The following CHCHD6 variants were observed in gnomAD, a reference collection of about 807,000 sequenced individuals.
CHCHD6 encodes the protein coiled-coil-helix-coiled-coil-helix domain containing 6, also known as MICOS complex subunit MIC25.
Under a neutral mutation model 32.3 loss-of-function variants are expected in CHCHD6, and 28 were observed. The observed-to-expected ratio is 0.87, with a 90% confidence interval of 0.64 to 1.19. The LOEUF (loss-of-function observed/expected upper bound fraction) is 1.19, where lower values mean the gene tolerates loss of function less well. Among genes scored for constraint, CHCHD6 ranks in the 50% most tolerant of loss-of-function variants. The probability of loss-of-function intolerance (pLI) is 0.00; values close to 1 mark genes in which losing one functional copy is unlikely to be tolerated. For synonymous variants in CHCHD6, 122 were observed against 117.5 expected (o/e 1.04, Z -0.25); for missense variants, 333 against 307.0 (o/e 1.08, Z -0.63).
intron 4 of CHCHD6, among the ~76,000 whole-genome samples, chr3:126,825,296 G>T (rs1264783366): frequency 6.6e-6 from 1 of 152,118 alleles, no homozygotes; most frequent in African/African-American, 2.4e-5. Context: ...TGATTTCAGA[G>T]AAATGTGTTG....
intron 4 of CHCHD6, among the ~76,000 whole-genome samples, chr3:126,786,882 G>T (rs895435462): frequency 2.0e-5 from 3 of 152,116 alleles, no homozygotes; most frequent in African/African-American, 4.8e-5. Flanking sequence ...TGGTGTTTTA[G>T]ACATGAAGTC....
intron 4 of CHCHD6, among the ~76,000 whole-genome samples, chr3:126,783,924 T>G (rs761055491): frequency 1.3e-5 from 2 of 152,154 alleles, no homozygotes; most frequent in Non-Finnish European, 2.9e-5. Flanking sequence ...CAGAAAGAGA[T>G]AAGTAATTCA....
intron 6 of CHCHD6, among the ~76,000 whole-genome samples, chr3:126,947,580 G>A (rs1381307627): frequency 6.6e-6 from 1 of 152,172 alleles, no homozygotes; most frequent in African/African-American, 2.4e-5. Context: ...GGCCAGTCAC[G>A]TGAGCTGCCT....
At chr3:126,775,366 T>C (rs1444407694) in intron 4 of CHCHD6, among the ~76,000 whole-genome samples, 1 of 152,206 alleles carries the variant, frequency 6.6e-6, no homozygotes, top group Non-Finnish European at 1.5e-5. Context: ...TTCATATATT[T>C]ATGGGCCTGA....
intron 5 of CHCHD6, among the ~76,000 whole-genome samples, chr3:126,872,766 G>A (rs1383258072): frequency 6.6e-6 from 1 of 152,152 alleles, no homozygotes; most frequent in African/African-American, 2.4e-5. Flanking sequence ...TTAGAACCAA[G>A]GGGCAAAACA....
chr3:126,898,235 C>T (rs2107581476), intron 5 of CHCHD6, among the ~76,000 whole-genome samples: 1 of 152,364 alleles, frequency 6.6e-6, no homozygotes, highest in Admixed American at 6.5e-5. Flanking sequence ...CCCAGTAAAG[C>T]TGAACATTAA....
intron 4 of CHCHD6, among the ~76,000 whole-genome samples, chr3:126,770,015 A>ATGTTT (rs1055247040): frequency 2.0e-5 from 3 of 151,912 alleles, no homozygotes; most frequent in African/African-American, 4.8e-5. Flanking sequence ...TCTTTGAGCC[A>ATGTTT]TGTTTTGTTT....
At chr3:126,784,502 A>C (rs1938106988) in intron 4 of CHCHD6, among the ~76,000 whole-genome samples, 1 of 152,102 alleles carries the variant, frequency 6.6e-6, no homozygotes, top group Admixed American at 6.5e-5. Flanking sequence ...CCAACTGTGG[A>C]ATGTGGCTGG....
rs188333383 is a variant in CHCHD6 at position 126,900,678 on chromosome 3, C to T, written c.496-14002C>T. On this transcript the variant is annotated intron_variant, in intron 5 of 7. Coordinates refer to ENST00000290913, the MANE Select transcript of CHCHD6 (RefSeq NM_032343.3). Reference sequence around the variant, plus strand: ...GGAGTGCAATGGCGCTATCTCAGCTCACTGCAACCTCCGCCTCCCAGGTTC... The same window carrying T: ...GGAGTGCAATGGCGCTATCTCAGCTTACTGCAACCTCCGCCTCCCAGGTTC... 6.2e-3 allele frequency among the ~76,000 whole-genome samples: 918 copies of T among 147,192 alleles called. 8 individuals carry two copies. The highest frequency in any genetic ancestry group is 0.022 in the African/African-American group (876 of 39,716).
At chr3:126,824,358 T>A (rs1699838494) in intron 4 of CHCHD6, among the ~76,000 whole-genome samples, 1 of 151,138 alleles carries the variant, frequency 6.6e-6, no homozygotes, top group Non-Finnish European at 1.5e-5. Context: ...AGTCGGGAGT[T>A]CGAGACCAGC....
chr3:126,800,245 T>C (rs114114219), intron 4 of CHCHD6, among the ~76,000 whole-genome samples: 357 of 152,318 alleles, frequency 2.3e-3, no homozygotes, highest in African/African-American at 7.8e-3. Flanking sequence ...CTGTGTGCTA[T>C]AGAAGGCATA....
chr3:126,952,485 G>T, intron 6 of CHCHD6, among the ~76,000 whole-genome samples: 1 of 152,190 alleles, frequency 6.6e-6, no homozygotes. Flanking sequence ...GGTGGAGCTC[G>T]CACACAGGCA....
intron 4 of CHCHD6, among the ~76,000 whole-genome samples, chr3:126,758,823 G>T (rs753034412): frequency 1.3e-5 from 2 of 152,172 alleles, no homozygotes; most frequent in African/African-American, 2.4e-5. Flanking sequence ...CCTCCAGAAT[G>T]TGTTCTTTTA....
intron 4 of CHCHD6, among the ~76,000 whole-genome samples, chr3:126,823,617 C>G (rs1026683910): frequency 6.6e-6 from 1 of 152,038 alleles, no homozygotes; most frequent in Non-Finnish European, 1.5e-5. Flanking sequence ...TTAAGTTTTT[C>G]TACATATATA....
intron 5 of CHCHD6, among the ~76,000 whole-genome samples, chr3:126,856,541 C>A (rs1941672594): frequency 6.6e-6 from 1 of 152,236 alleles, no homozygotes; most frequent in South Asian, 2.1e-4. Context: ...ACACCTGGCT[C>A]CAGAGCCTTT....
intron 4 of CHCHD6, among the ~76,000 whole-genome samples, chr3:126,849,751 C>T (rs1941408150): frequency 6.6e-6 from 1 of 152,192 alleles, no homozygotes; most frequent in South Asian, 2.1e-4. Flanking sequence ...TTGTGTCTCC[C>T]ACTGGGATCT....
chr3:126,728,050 T>C (rs1935619291), intron 2 of CHCHD6, among the ~76,000 whole-genome samples: 1 of 152,052 alleles, frequency 6.6e-6, no homozygotes, highest in African/African-American at 2.4e-5. Context: ...AACCACCCAC[T>C]AGATTGTTCT....
At chr3:126,795,671 A>G (rs779640061) in intron 4 of CHCHD6, among the ~76,000 whole-genome samples, 6 of 152,108 alleles carry the variant, frequency 3.9e-5, no homozygotes, top group Non-Finnish European at 8.8e-5. Flanking sequence ...TCATCTTACC[A>G]TGTTGGCAAG....
intron 6 of CHCHD6, among the ~76,000 whole-genome samples, chr3:126,944,670 A>G (rs1247801368): frequency 6.6e-6 from 1 of 152,224 alleles, no homozygotes. Flanking sequence ...CTGTCCACAT[A>G]GGACTACACA....
Sources: gnomAD v4.1 joint callset for allele counts (sites outside exome capture counted in the v4.1 genomes callset) on GRCh38, gnomAD v4.1.1 for gene constraint, MANE v1.5 for transcripts, NCBI Gene and HGNC (gene_info 2026-07-23, HGNC 2026-07-21) for gene names.